VWC2L: variants seen among roughly 807,000 people sequenced by gnomAD.
The protein encoded by VWC2L is von Willebrand factor C domain containing 2 like.
In VWC2L, 10 loss-of-function variants were observed where a neutral mutation model predicts 21.6. That is an observed-to-expected ratio of 0.46 (90% confidence interval 0.29 to 0.78). The LOEUF is 0.78. VWC2L is among the 30% of genes least tolerant of loss of function. The pLI is 0.10. For missense variants in VWC2L, 209 were observed against 277.1 expected, an observed-to-expected ratio of 0.75 and a Z score of 1.74; for synonymous variants, 96 against 94.3, an observed-to-expected ratio of 1.02 and a Z score of -0.10.
At chr2:214,480,846 G>A (rs1422344584) in intron 3 of VWC2L, among the ~76,000 whole-genome samples, 1 of 103,672 alleles carries the variant, frequency 9.6e-6, no homozygotes, top group Non-Finnish European at 1.8e-5. Context: ...TCTTTATTCA[G>A]AGGTCCATAT....
At chr2:214,414,721 A>G in intron 2 of VWC2L, 138 bp downstream of exon 2, 3 of 951,480 alleles carry the variant, frequency 3.2e-6, no homozygotes, top group South Asian at 3.6e-5. Context: ...TCTAATTACC[A>G]TAAGTAGCAC....
intron 3 of VWC2L, among the ~76,000 whole-genome samples, chr2:214,498,441 G>A (rs936253518): frequency 9.9e-5 from 15 of 151,856 alleles, no homozygotes; most frequent in Admixed American, 5.9e-4. Context: ...GAAAAGTCAC[G>A]GTCTCTGAAG....
chr2:214,506,565 C>T (rs1688970935), intron 3 of VWC2L, among the ~76,000 whole-genome samples: 4 of 152,144 alleles, frequency 2.6e-5, no homozygotes. Flanking sequence ...GAAATCATCA[C>T]ATGTTTTGAC....
intron 3 of VWC2L, among the ~76,000 whole-genome samples, chr2:214,530,040 G>C (rs1304669728): frequency 3.3e-5 from 5 of 152,172 alleles, no homozygotes; most frequent in Non-Finnish European, 5.9e-5. Flanking sequence ...AGCTGAAACA[G>C]CAATAAGCAT....
intron 3 of VWC2L, among the ~76,000 whole-genome samples, chr2:214,558,554 AATCATGCTGACTCT>A (rs1689911979): frequency 6.6e-6 from 1 of 152,158 alleles, no homozygotes; most frequent in Admixed American, 6.5e-5. Context: ...CACCAACATG[AATCATGCTGACTCT>A]ATTGCCTAAA....
chr2:214,575,579 C>A, intron 3 of VWC2L, 93 bp from the exon 4 acceptor site: 3 of 1,418,724 alleles, frequency 2.1e-6, no homozygotes, highest in Non-Finnish European at 1.9e-6. Context: ...GTCTGACTTA[C>A]TCATTTATGG....
At chr2:214,420,516 C>G (rs1343226773) in intron 2 of VWC2L, among the ~76,000 whole-genome samples, 1 of 152,106 alleles carries the variant, frequency 6.6e-6, no homozygotes, top group African/African-American at 2.4e-5. Context: ...CTATGAAAAG[C>G]ACAGGAACTA....
At chr2:214,519,207 TGTTC>T (rs1239188932) in intron 3 of VWC2L, among the ~76,000 whole-genome samples, 6 of 152,230 alleles carry the variant, frequency 3.9e-5, no homozygotes, top group African/African-American at 1.4e-4. Context: ...TTTCAGAACC[TGTTC>T]TTCCATTTAG....
At chr2:214,436,952 TC>T (rs1222945834) in intron 3 of VWC2L, among the ~76,000 whole-genome samples, 194 bp downstream of exon 3, 2 of 152,166 alleles carry the variant, frequency 1.3e-5, no homozygotes, top group Non-Finnish European at 2.9e-5. Flanking sequence ...CAGCTTTCCA[TC>T]TGGGGAATTA....
At chr2:214,490,327 T>C (rs1229800370) in intron 3 of VWC2L, among the ~76,000 whole-genome samples, 2 of 147,620 alleles carry the variant, frequency 1.4e-5, no homozygotes, top group East Asian at 3.9e-4. Flanking sequence ...CACTAAATCT[T>C]TTTTTTTTTT....
chr2:214,452,299 T>A (rs1407002310), intron 3 of VWC2L, among the ~76,000 whole-genome samples: 1 of 152,118 alleles, frequency 6.6e-6, no homozygotes, highest in Non-Finnish European at 1.5e-5. Context: ...GGACTACAGA[T>A]GCACACCACC....
At chr2:214,494,996 C>T (rs1574596704) in intron 3 of VWC2L, among the ~76,000 whole-genome samples, 2 of 152,238 alleles carry the variant, frequency 1.3e-5, no homozygotes, top group South Asian at 4.1e-4. Flanking sequence ...CCTTCTAATA[C>T]AGCATAGTCT....
chr2:214,426,912 T>C (rs1473577976), intron 2 of VWC2L, among the ~76,000 whole-genome samples: 1 of 152,238 alleles, frequency 6.6e-6, no homozygotes, highest in Non-Finnish European at 1.5e-5. Context: ...CTTTCCCTGC[T>C]TTATAGGGCT....
chr2:214,506,214 G>A (rs1419802455), intron 3 of VWC2L, among the ~76,000 whole-genome samples: 3 of 151,972 alleles, frequency 2.0e-5, no homozygotes, highest in Non-Finnish European at 2.9e-5. Flanking sequence ...TTTTATTTGG[G>A]CAAAAAAGTA....
At chr2:214,471,213 G>A (rs1559300713) in intron 3 of VWC2L, among the ~76,000 whole-genome samples, 1 of 152,062 alleles carries the variant, frequency 6.6e-6, no homozygotes, top group Non-Finnish European at 1.5e-5. Flanking sequence ...AGAAAACTTC[G>A]AAGCCCAACT....
At chr2:214,468,947 G>C (rs889872041) in intron 3 of VWC2L, among the ~76,000 whole-genome samples, 2 of 152,082 alleles carry the variant, frequency 1.3e-5, no homozygotes, top group Non-Finnish European at 2.9e-5. Context: ...ATAATTTTTT[G>C]ACTTAAATAT....
chr2:214,508,972 CT>C (rs1363337549), intron 3 of VWC2L, among the ~76,000 whole-genome samples: 2 of 151,836 alleles, frequency 1.3e-5, no homozygotes, highest in Admixed American at 6.6e-5. Context: ...CTTGTCTTGC[CT>C]TGCCTTTCCT....
chr2:214,511,681 G>A (rs145557810), intron 3 of VWC2L, among the ~76,000 whole-genome samples: 9 of 152,032 alleles, frequency 5.9e-5, no homozygotes, highest in South Asian at 2.1e-4. Context: ...GTGGTATTTC[G>A]TTATGGCAGT....
At chr2:214,544,283 A>T (rs949945874) in intron 3 of VWC2L, among the ~76,000 whole-genome samples, 3 of 152,170 alleles carry the variant, frequency 2.0e-5, no homozygotes, top group African/African-American at 7.2e-5. Context: ...GTTGTAATAG[A>T]GGTGTATCCT....
Sources: gnomAD v4.1 joint callset for allele counts (sites outside exome capture counted in the v4.1 genomes callset) on GRCh38, gnomAD v4.1.1 for gene constraint, MANE v1.5 for transcripts, NCBI Gene and HGNC (gene_info 2026-07-23, HGNC 2026-07-21) for gene names.